DMBT1: variants seen among roughly 807,000 people sequenced by gnomAD.
The protein encoded by DMBT1 is scavenger receptor cysteine-rich domain-containing protein DMBT1.
DMBT1 carries 198 observed loss-of-function variants against 252.9 expected under a neutral mutation model. That is an observed-to-expected ratio of 0.78 (90% CI 0.70 to 0.88). DMBT1 has a LOEUF of 0.88. Ranked by LOEUF, DMBT1 falls within the 40% of genes least tolerant of loss-of-function variation. DMBT1 has a pLI of 0.00. For missense variants in DMBT1, 2,432 were observed against 2,404.7 expected (o/e 1.01, Z -0.24); for synonymous variants, 990 against 942.7 (o/e 1.05, Z -0.92).
chr10:122,600,072 T>A lies in DMBT1; in HGVS notation c.3289T>A (p.Ser1097Thr). Reference protein sequence around the residue: ...DAGVICSASQSRPTPSPDTWP... With the variant: ...DAGVICSASQTRPTPSPDTWP... The stretch of plus-strand genomic sequence containing the variant: ...TCTTCTCTTTCTCACAGCTTCCCAG[T>A]CCCGGCCAACACCTAGTCCAGGTGG... Residue 1097 changes from serine to threonine, a missense_variant, in exon 27 of 56, where the codon TCC becomes ACC. Physicochemically the swap from Ser to Thr is moderately conservative, Grantham distance 58. This residue lies in a region of DMBT1 where 1,264 missense variants were observed against 1,082.2 expected (regional missense o/e 1.17). Coordinates refer to ENST00000338354, the MANE Select transcript of DMBT1 (RefSeq NM_001377530.1). 1 of 1,607,410 alleles carries A rather than the reference T, an allele frequency of 6.2e-7. No homozygotes were observed. The highest frequency in any genetic ancestry group is 1.4e-5 in the African/African-American group (1 of 73,264).
Position 122,586,279 on chromosome 10 carries a change from A to G in DMBT1, c.1679A>G (p.Asp560Gly). The stretch of plus-strand genomic sequence containing the variant: ...GGCTCAGGACCCATTGTCCTGGATG[A>G]CGTGCGCTGCTCAGGGAATGAGTCC... ...GQGSGPIVLD[D>G]VRCSGNESYL... Residue 560 changes from aspartate (D) to glycine (G), a missense_variant, in exon 16 of 56, where the codon GAC (aspartate) becomes GGC (glycine). By Grantham distance (94) the Asp-to-Gly change is moderately conservative. Transcript: ENST00000338354. 1 of 1,588,674 alleles carries G rather than the reference A, an allele frequency of 6.3e-7. No homozygotes were observed. Among genetic ancestry groups the G allele is most frequent in the Non-Finnish European group, 8.6e-7 (1 of 1,165,842 alleles).
In DMBT1 at chr10:122,598,825, A is replaced by G. The variant is rs760810404; in HGVS notation, c.3008A>G (p.Gln1003Arg). Reference protein sequence around the residue: ...LRLVNGGDRCQGRVEVLYQGS... With the variant: ...LRLVNGGDRCRGRVEVLYQGS... Reference sequence around the variant, plus strand: ...CTGGTGAATGGAGGTGACAGGTGTCAGGGCCGAGTGGAGGTCCTATACCAA... The same window carrying G: ...CTGGTGAATGGAGGTGACAGGTGTCGGGGCCGAGTGGAGGTCCTATACCAA... The change falls in exon 26 of 56, where the codon CAG (glutamine) becomes CGG (arginine). Residue 1003 changes from glutamine (Q) to arginine (R), a missense_variant. Coordinates refer to ENST00000338354, the MANE Select transcript of DMBT1 (RefSeq NM_001377530.1). 47 of 1,613,516 alleles carry G rather than the reference A, an allele frequency of 2.9e-5. No homozygotes were observed. The highest frequency in any genetic ancestry group is 3.8e-5 in the Non-Finnish European group (45 of 1,179,754).
At chr10:122,622,226 G>A (rs2098076884) in intron 44 of DMBT1, among the ~76,000 whole-genome samples, 1 of 152,174 alleles carries the variant, frequency 6.6e-6, no homozygotes, top group African/African-American at 2.4e-5. Flanking sequence ...GCATTCAGCA[G>A]GTCTGGGTGA....
At chr10:122,579,955 G>T (rs756494209) in intron 10 of DMBT1, 54 bp downstream of exon 10, 87 of 1,612,212 alleles carry the variant, frequency 5.4e-5, no homozygotes, top group Middle Eastern at 1.6e-4. Context: ...TGCTCCAAAA[G>T]AAACTCCTAA....
chr10:122,636,226 T>C, intron 53 of DMBT1, 27 bp downstream of exon 53: 1 of 1,586,876 alleles, frequency 6.3e-7, no homozygotes, highest in Non-Finnish European at 8.6e-7. Context: ...AAATGCTCTG[T>C]TGGGACTGGG....
intron 26 of DMBT1, among the ~76,000 whole-genome samples, chr10:122,599,507 C>G (rs141274023): frequency 6.6e-6 from 1 of 152,190 alleles, no homozygotes; most frequent in Non-Finnish European, 1.5e-5. Context: ...GGGTTCTCAG[C>G]TGAGACCCAG....
chr10:122,599,944 T>C, intron 26 of DMBT1, 120 bp from the exon 27 acceptor site: 1 of 1,419,614 alleles, frequency 7.0e-7, no homozygotes, highest in Non-Finnish European at 9.9e-7. Context: ...TGCCCCTCCC[T>C]GTGTGATAGG....
At chr10:122,601,126 T>C in intron 28 of DMBT1, 103 bp downstream of exon 28, 2 of 481,850 alleles carry the variant, frequency 4.2e-6, no homozygotes, top group South Asian at 4.3e-5. Flanking sequence ...CTTTTTTCAC[T>C]CCCCTGTGGG....
At position 122,598,972 on chromosome 10, in the gene DMBT1, C is replaced by T. The variant is rs759248480; in HGVS notation, c.3155C>T (p.Ser1052Leu). ...APGNARFGQG[S>L]GPIVLDDVRC... ...GGAAATGCCCGGTTTGGTCAGGGCT[C>T]AGGACCCATTGTCCTGGATGATGTG... The change falls in exon 26 of 56, where the codon TCA (serine) becomes TTA (leucine). Residue 1052 changes from serine (S) to leucine (L), a missense_variant. By Grantham distance (145) the Ser-to-Leu change is moderately radical. Transcript: ENST00000338354. The T allele has an allele frequency of 1.2e-6, 2 of 1,613,642 alleles. No homozygotes were observed. Among genetic ancestry groups the T allele is most frequent in the Non-Finnish European group, 1.7e-6 (2 of 1,179,740 alleles).
chr10:122,622,420 G>A (rs2098079282), intron 44 of DMBT1, among the ~76,000 whole-genome samples: 1 of 152,222 alleles, frequency 6.6e-6, no homozygotes, highest in East Asian at 1.9e-4. Context: ...TATCCAGAAT[G>A]TTTAGTGGTG....
At chr10:122,588,473 G>A (rs138452470) in intron 16 of DMBT1, among the ~76,000 whole-genome samples, 15 of 148,998 alleles carry the variant, frequency 1.0e-4, no homozygotes, top group African/African-American at 2.2e-4. Context: ...ATTCGACCTC[G>A]TTCCTGGCCC....
intron 7 of DMBT1, among the ~76,000 whole-genome samples, chr10:122,577,506 T>A (rs529394648): frequency 6.6e-6 from 1 of 152,316 alleles, no homozygotes; most frequent in African/African-American, 2.4e-5. Flanking sequence ...CTTCATCTAC[T>A]CATTGCTTAG....
rs1408365371 is a variant in DMBT1, at chr10:122,636,194, G to A, written c.6752G>A (p.Ser2251Asn). 2 of 1,612,088 alleles carry A rather than the reference G, an allele frequency of 1.2e-6. No individual in the cohort carries two copies. The highest frequency in any genetic ancestry group is 1.7e-6 in the Non-Finnish European group (2 of 1,178,642). The change falls in exon 53 of 56, where the codon AGC (serine) becomes AAC (asparagine). Residue 2251 changes from serine to asparagine, a missense_variant. Ser to Asn is a conservative substitution (Grantham distance 46, BLOSUM62 1). This residue lies in a region of DMBT1 where 1,162 missense variants were observed against 1,169.0 expected (regional missense o/e 0.99). Transcript: ENST00000338354. Reference protein sequence around the residue: ...AEYYSSPSNDSTNLLCLPNHM... With the variant: ...AEYYSSPSNDNTNLLCLPNHM... ...TACTACTCCAGTCCCTCCAATGACA[G>A]CACCAGTAAGTCCCCTTGTGGAAAT... is the stretch of plus-strand genomic sequence containing the variant.
chr10:122,567,847 G>A, intron 2 of DMBT1, among the ~76,000 whole-genome samples: 1 of 152,164 alleles, frequency 6.6e-6, no homozygotes, highest in East Asian at 1.9e-4. Flanking sequence ...GATCCTGATG[G>A]GACTGGAGAG....
Position 122,589,298 on chromosome 10 carries a change from T to C in DMBT1, c.2107+31T>C, listed in dbSNP as rs545906504. 75 of 1,587,766 alleles carry C rather than the reference T, an allele frequency of 4.7e-5. 13 individuals are homozygous for C. In the East Asian group the frequency reaches 1.7e-3, roughly 37 times the overall value. The stretch of plus-strand genomic sequence containing the variant: ...CCTCCAGCAATTTTGGTTTCCTCTC[T>C]TGGGGTAGATTTTGCCCAGGAAGAG... On this transcript the variant is annotated intron_variant, in intron 17 of 55. Coordinates refer to ENST00000338354, the MANE Select transcript of DMBT1 (RefSeq NM_001377530.1).
At chr10:122,628,186 T>C (rs553214380) in intron 46 of DMBT1, among the ~76,000 whole-genome samples, 5 of 152,250 alleles carry the variant, frequency 3.3e-5, no homozygotes, top group African/African-American at 9.6e-5. Context: ...CCAGGAGAAA[T>C]GAAAACATAT....
chr10:122,568,272 G>T (rs1033834587), intron 2 of DMBT1, among the ~76,000 whole-genome samples: 2 of 152,138 alleles, frequency 1.3e-5, no homozygotes, highest in Non-Finnish European at 2.9e-5. Context: ...GATGATGTGG[G>T]GGGTAGGATG....
In DMBT1 at chr10:122,585,306, G is replaced by T. The variant is rs764959411; in HGVS notation, c.1456G>T (p.Val486Leu). Residue 486 changes from valine (V) to leucine (L), a missense_variant, in exon 15 of 56, where the codon GTA (valine) becomes TTA (leucine). Transcript: ENST00000338354. ...GACCATCACCTTACCTGCATCGACA[G>T]TAGGTAAATAATCCTCTCGCCCCTC... The part of the protein sequence containing the change: ...LPTITLPAST[V>L]GSESSLALRL... 2.4e-5 allele frequency: 38 copies of T among 1,586,458 alleles called. 3 individuals are homozygous for T. The highest frequency in any genetic ancestry group is 3.2e-5 in the Non-Finnish European group (37 of 1,164,292).
intron 6 of DMBT1, among the ~76,000 whole-genome samples, chr10:122,575,933 T>C (rs1296508896): frequency 6.6e-6 from 1 of 152,144 alleles, no homozygotes; most frequent in Non-Finnish European, 1.5e-5. Context: ...ACCCTAACAA[T>C]CCTGGCCCTG....
Sources: allele counts gnomAD v4.1 joint callset (sites outside exome capture counted in the v4.1 genomes callset), GRCh38; gene constraint gnomAD v4.1.1; regional missense constraint gnomAD v4.1.1; transcripts MANE v1.5; gene names NCBI Gene and HGNC (gene_info 2026-07-23, HGNC 2026-07-21).